The following WWOX variants were observed in gnomAD, a reference collection of about 807,000 sequenced individuals.
The protein encoded by WWOX is WW domain containing oxidoreductase, also known as WW domain-containing oxidoreductase.
Under a neutral mutation model 46.2 loss-of-function variants are expected in WWOX, and 69 were observed. The observed-to-expected ratio is 1.49, with a 90% CI of 1.23 to 1.82. WWOX has a LOEUF of 1.82. Ranked by LOEUF, WWOX falls within the 40% of genes most tolerant of loss-of-function variation. WWOX has a pLI of 0.00. For synonymous variants in WWOX, 359 were observed against 202.6 expected, an observed-to-expected ratio of 1.77 and a Z score of -6.56; for missense variants, 919 against 542.6, an observed-to-expected ratio of 1.69 and a Z score of -6.89.
chr16:78,504,161 A>G (rs548883555), intron 8 of WWOX, among the ~76,000 whole-genome samples: 13 of 152,242 alleles, frequency 8.5e-5, no homozygotes, highest in Admixed American at 1.3e-4. Context: ...GGCATGGTTA[A>G]TAAATAACTG....
chr16:78,916,203 G>C (rs1179461528), intron 8 of WWOX, among the ~76,000 whole-genome samples: 1 of 152,222 alleles, frequency 6.6e-6, no homozygotes, highest in Non-Finnish European at 1.5e-5. Context: ...TATGCTGACA[G>C]TAGGGAGGAA....
At chr16:78,398,187 T>A (rs1422930459) in intron 6 of WWOX, among the ~76,000 whole-genome samples, 1 of 152,186 alleles carries the variant, frequency 6.6e-6, no homozygotes, top group South Asian at 2.1e-4. Context: ...CACTGTCCTG[T>A]TTGGCAATGT....
intron 8 of WWOX, among the ~76,000 whole-genome samples, chr16:78,727,749 C>T (rs1022353496): frequency 3.9e-5 from 6 of 152,034 alleles, no homozygotes; most frequent in Non-Finnish European, 8.8e-5. Context: ...GATTGGACTC[C>T]ATGGGAGAGG....
chr16:78,504,912 T>C (rs2085155887), intron 8 of WWOX, among the ~76,000 whole-genome samples: 1 of 152,156 alleles, frequency 6.6e-6, no homozygotes, highest in Non-Finnish European at 1.5e-5. Flanking sequence ...TTAATTAATA[T>C]AAATAATGAC....
intron 8 of WWOX, among the ~76,000 whole-genome samples, chr16:79,123,621 T>C (rs576424675): frequency 6.6e-6 from 1 of 152,194 alleles, no homozygotes; most frequent in African/African-American, 2.4e-5. Context: ...GCAGTCAAAA[T>C]AGTTTGACCC....
intron 8 of WWOX, among the ~76,000 whole-genome samples, chr16:78,764,905 G>C (rs977408787): frequency 6.6e-6 from 1 of 152,054 alleles, no homozygotes; most frequent in Non-Finnish European, 1.5e-5. Context: ...TTTTAAAAAC[G>C]CAAGTGTTGA....
chr16:79,150,816 C>T (rs1036716456), intron 8 of WWOX, among the ~76,000 whole-genome samples: 1 of 152,042 alleles, frequency 6.6e-6, no homozygotes, highest in Non-Finnish European at 1.5e-5. Flanking sequence ...TTAAGTTATC[C>T]GATTTGTAAA....
intron 8 of WWOX, among the ~76,000 whole-genome samples, chr16:78,946,974 C>G (rs2045961300): frequency 6.6e-6 from 1 of 151,958 alleles, no homozygotes; most frequent in South Asian, 2.1e-4. Flanking sequence ...CGCACGCAGG[C>G]ATTAAATGGA....
At chr16:78,660,338 T>C (rs1486729301) in intron 8 of WWOX, among the ~76,000 whole-genome samples, 1 of 152,160 alleles carries the variant, frequency 6.6e-6, no homozygotes, top group Non-Finnish European at 1.5e-5. Context: ...TGGTTCATTT[T>C]ATTTGAGGAG....
intron 5 of WWOX, among the ~76,000 whole-genome samples, chr16:78,316,971 G>A (rs1442303009): frequency 6.6e-6 from 1 of 152,164 alleles, no homozygotes; most frequent in East Asian, 1.9e-4. Context: ...CTGGACATTT[G>A]GCTGAATGCT....
chr16:79,049,797 C>T (rs1258452340), intron 8 of WWOX, among the ~76,000 whole-genome samples: 2 of 148,704 alleles, frequency 1.3e-5, no homozygotes, highest in Admixed American at 6.7e-5. Flanking sequence ...ATCATCCCAC[C>T]GCACACCAGC....
chr16:78,904,236 T>TC (rs1440328139), intron 8 of WWOX, among the ~76,000 whole-genome samples: 6 of 41,626 alleles, frequency 1.4e-4, no homozygotes, highest in Non-Finnish European at 4.3e-4. Context: ...ATAAATGCCT[T>TC]TTTTTTTTTT....
intron 8 of WWOX, among the ~76,000 whole-genome samples, chr16:78,970,917 A>G (rs544855816): frequency 2.4e-4 from 37 of 152,222 alleles, no homozygotes; most frequent in South Asian, 1.0e-3. Context: ...GTCTTTTGCT[A>G]TGGTGGTCTC....
At chr16:78,933,086 A>G (rs906150751) in intron 8 of WWOX, among the ~76,000 whole-genome samples, 3 of 152,196 alleles carry the variant, frequency 2.0e-5, no homozygotes, top group Non-Finnish European at 4.4e-5. Context: ...AATCGAAAGC[A>G]TCAGTTGCTA....
intron 8 of WWOX, among the ~76,000 whole-genome samples, chr16:78,986,497 A>C (rs2046787443): frequency 6.6e-6 from 1 of 152,088 alleles, no homozygotes; most frequent in African/African-American, 2.4e-5. Context: ...ATTTTAGTGG[A>C]TTTTCTTTTT....
chr16:78,705,907 T>A (rs978502905), intron 8 of WWOX, among the ~76,000 whole-genome samples: 5 of 152,188 alleles, frequency 3.3e-5, no homozygotes, highest in African/African-American at 1.2e-4. Context: ...CTGCTAGATA[T>A]AAGCATCTGT....
At chr16:79,027,466 T>C (rs1336344972) in intron 8 of WWOX, among the ~76,000 whole-genome samples, 3 of 151,738 alleles carry the variant, frequency 2.0e-5, no homozygotes, top group Non-Finnish European at 2.9e-5. Context: ...TTATTGATAC[T>C]AAGAAGAGCC....
chr16:78,548,456 C>T (rs1403563555), intron 8 of WWOX, among the ~76,000 whole-genome samples: 2 of 152,010 alleles, frequency 1.3e-5, no homozygotes, highest in Non-Finnish European at 2.9e-5. Flanking sequence ...ACATCCTATC[C>T]CTGAATTTAG....
chr16:79,075,321 C>T (rs969858920), intron 8 of WWOX, among the ~76,000 whole-genome samples: 2 of 152,192 alleles, frequency 1.3e-5, no homozygotes, highest in Admixed American at 6.5e-5. Context: ...TTCAAGACAC[C>T]GGCAGATCAC....
Sources: allele counts gnomAD v4.1 joint callset (sites outside exome capture counted in the v4.1 genomes callset), GRCh38; gene constraint gnomAD v4.1.1; transcripts MANE v1.5; gene names NCBI Gene and HGNC (gene_info 2026-07-23, HGNC 2026-07-21).